DGCR8: variants seen among roughly 807,000 people sequenced by gnomAD.
DGCR8 encodes the protein microprocessor complex subunit DGCR8.
In DGCR8, 14 loss-of-function variants were observed where a neutral mutation model predicts 78.5. That is an observed-to-expected ratio of 0.18 (90% CI 0.12 to 0.28). The LOEUF is 0.28. Ranked by LOEUF, DGCR8 falls within the 10% of genes least tolerant of loss-of-function variation. The pLI, the probability that DGCR8 is intolerant of heterozygous loss-of-function variation, is 1.00. For missense variants in DGCR8, 702 were observed against 1,022.5 expected (o/e 0.69, Z 4.28); for synonymous variants, 399 against 402.4 (o/e 0.99, Z 0.10).
At chr22:20,106,472 T>A in intron 10 of DGCR8, 120 bp from the exon 11 acceptor site, 1 of 856,668 alleles carries the variant, frequency 1.2e-6, no homozygotes, top group South Asian at 1.5e-5. Context: ...CTCCTCTGGC[T>A]GAGATGCAGT....
In DGCR8 at chr22:20,090,169, A is replaced by G. The variant is rs777343509; in HGVS notation, c.1217A>G (p.Asp406Gly). ...DSMGADPGPPDEKDPLGAEAA... is the reference protein window; with the variant it reads ...DSMGADPGPPGEKDPLGAEAA... ...ATGGGTGCTGACCCGGGGCCCCCGG[A>G]CGAGAAAGACCCACTAGGGGCTGAG... The change falls in exon 5 of 14, where the codon GAC becomes GGC. Residue 406 changes from aspartate to glycine, a missense_variant. Around this residue, in one of 4 missense-constraint regions of DGCR8, gnomAD observed 119 missense variants for 126.1 expected, o/e 0.94. Coordinates refer to ENST00000351989, the MANE Select transcript of DGCR8 (RefSeq NM_022720.7). 1.2e-5 allele frequency: 19 copies of G among 1,614,086 alleles called. No individual in the cohort carries two copies. The African/African-American group carries it at 2.3e-4, about 19-fold the overall frequency.
intron 9 of DGCR8, among the ~76,000 whole-genome samples, chr22:20,097,799 T>C (rs1226431555): frequency 2.7e-5 from 4 of 145,598 alleles, no homozygotes; most frequent in Non-Finnish European, 5.9e-5. Flanking sequence ...TAATGCATTG[T>C]TTTTATACTT....
chr22:20,089,703 C>T lies in DGCR8; in HGVS notation c.915C>T (p.Asp305=), dbSNP rs530897530. ...RGRPPTEPLP[D]GWIMTFHNSG... Reference sequence around the variant, plus strand: ...GCCCACCTACAGAGCCGCTGCCCGACGGGTGGATCATGACATTCCATAACT... The same window carrying T: ...GCCCACCTACAGAGCCGCTGCCCGATGGGTGGATCATGACATTCCATAACT... The change falls in exon 4 of 14, where the codon GAC becomes GAT. Residue 305 remains aspartate (D), a synonymous_variant. Transcript: ENST00000351989. The surrounding 1 kb of genome is among the most constrained non-coding windows in gnomAD (Gnocchi z 4.9). 7.4e-6 allele frequency: 12 copies of T among 1,613,768 alleles called. No homozygotes were observed. Among genetic ancestry groups the T allele is most frequent in the African/African-American group, 1.3e-5 (1 of 74,812 alleles).
At chr22:20,095,614 A>G (rs998008337) in intron 9 of DGCR8, among the ~76,000 whole-genome samples, 7 of 152,224 alleles carry the variant, frequency 4.6e-5, no homozygotes, top group East Asian at 1.9e-4. Context: ...TCTGTCCCCA[A>G]CCTAGTTTTG....
chr22:20,090,318 T>C (rs1186039644), intron 5 of DGCR8, 60 bp downstream of exon 5: 7 of 1,515,606 alleles, frequency 4.6e-6, no homozygotes, highest in Non-Finnish European at 6.2e-6. Context: ...TTTGTTTTTC[T>C]AATGAAGGCC....
chr22:20,098,777 C>T (rs1475522297), intron 9 of DGCR8, among the ~76,000 whole-genome samples: 8 of 152,206 alleles, frequency 5.3e-5, no homozygotes, highest in Admixed American at 5.2e-4. Flanking sequence ...CTGGTCTCCA[C>T]ATTGCCCATT....
At chr22:20,094,928 T>C (rs1041065647) in intron 9 of DGCR8, 133 bp downstream of exon 9, 2 of 677,650 alleles carry the variant, frequency 3.0e-6, no homozygotes, top group Non-Finnish European at 5.2e-6. Flanking sequence ...TCATCCAGCC[T>C]CCAGGTTCTT....
chr22:20,100,701 G>A, intron 9 of DGCR8: 1 of 985,430 alleles, frequency 1.0e-6, no homozygotes, highest in Non-Finnish European at 1.2e-6. Flanking sequence ...ACATTGCAAA[G>A]TAGTCTGAGA....
At position 20,093,590 on chromosome 22, in the gene DGCR8, G is replaced by A. The variant is rs562148094; in HGVS notation, c.1705+683G>A. Among the ~76,000 whole-genome samples, 6 of 152,294 alleles carry A rather than the reference G, an allele frequency of 3.9e-5. No homozygotes were observed. The East Asian group carries it at 7.7e-4, about 20-fold the overall frequency. ...GGGCATGCCAGGAGGGAGGAGAAGC[G>A]GGCCAGCATGCTGTTGGCATCCTCC... On this transcript the variant is annotated intron_variant, in intron 8 of 13. Coordinates refer to ENST00000351989, the MANE Select transcript of DGCR8 (RefSeq NM_022720.7).
chr22:20,095,361 C>A (rs1189081196), intron 9 of DGCR8, among the ~76,000 whole-genome samples: 1 of 152,180 alleles, frequency 6.6e-6, no homozygotes, highest in Non-Finnish European at 1.5e-5. Context: ...TCGCTTCCGC[C>A]TCCTAAAGTG....
intron 9 of DGCR8, chr22:20,101,596 A>G (rs1444997130): frequency 3.0e-6 from 3 of 984,766 alleles, no homozygotes; most frequent in East Asian, 1.1e-4. Flanking sequence ...AAAAATGTAT[A>G]TATGTCATCT....
At chr22:20,091,304 C>A in intron 5 of DGCR8, 131 bp from the exon 6 acceptor site, 1 of 854,974 alleles carries the variant, frequency 1.2e-6, no homozygotes, top group East Asian at 2.5e-5. Context: ...CTTTGCTTCC[C>A]TCCCCTTTGA....
At position 20,100,942 on chromosome 22, in the gene DGCR8, CCCT is replaced by C. The variant is rs1389202223; in HGVS notation, c.1789-5230_1789-5228del. 3 of 610,514 alleles carry C rather than the reference CCCT, an allele frequency of 4.9e-6. No individual in the cohort carries two copies. The East Asian group carries it at 4.3e-4, about 87-fold the overall frequency. The allele number at this position is 610,514 out of a possible 1,614,324, so 37.8% of individuals were successfully genotyped here. ...GGGCCCCTGCCACCCGGCACAGGAC[CCCT>C]CCTCGTGCTTGGAAATTTGCTAGGA... is the stretch of plus-strand genomic sequence containing the variant. On this transcript the variant is annotated intron_variant, in intron 9 of 13. Coordinates refer to ENST00000351989, the MANE Select transcript of DGCR8 (RefSeq NM_022720.7).
At position 20,086,017 on chromosome 22, in the gene DGCR8, G is replaced by A. The variant is rs978138118; in HGVS notation, c.54G>A (p.Ala18=). 1 of 1,612,714 alleles carries A rather than the reference G, an allele frequency of 6.2e-7. No individual in the cohort carries two copies. The highest frequency in any genetic ancestry group is 1.7e-5 in the Admixed American group (1 of 59,996). The change falls in exon 2 of 14, where the codon GCG becomes GCA. Residue 18 remains alanine (A), a synonymous_variant. Transcript: ENST00000351989. This position sits in a 1 kb window ranked among gnomAD's most constrained non-coding sequence, Gnocchi z 6.4. ...TCCCGTGTGGGCCCGCAGGAGAAGCGGTGATGGAGAGCCGAGCTCGCCCCT... is the reference window on the plus strand; with the variant it reads ...TCCCGTGTGGGCCCGCAGGAGAAGCAGTGATGGAGAGCCGAGCTCGCCCCT... The part of the protein sequence containing the change: ...SPLPCGPAGE[A]VMESRARPFQ...
rs201435288 is a variant in DGCR8 at position 20,086,239 on chromosome 22, T to C, written c.276T>C (p.Ser92=). 4 of 1,614,114 alleles carry C rather than the reference T, an allele frequency of 2.5e-6. No individual in the cohort carries two copies. The highest frequency in any genetic ancestry group is 4.5e-5 in the East Asian group (2 of 44,858). ...KGRLLIDPNC[S]GHSPRTARHA... is the part of the protein sequence containing the mutation. ...GCCTCCTCATAGACCCGAACTGTAG[T>C]GGCCACAGCCCGCGCACCGCCCGGC... The change falls in exon 2 of 14, where the codon AGT becomes AGC. Residue 92 remains serine, a synonymous_variant. Coordinates refer to ENST00000351989, the MANE Select transcript of DGCR8 (RefSeq NM_022720.7). The surrounding 1 kb of genome is among the most constrained non-coding windows in gnomAD (Gnocchi z 6.4).
At position 20,100,912 on chromosome 22, in the gene DGCR8, A is replaced by G. The variant is rs549257564; in HGVS notation, c.1789-5265A>G. On this transcript the variant is annotated intron_variant, in intron 9 of 13. Coordinates refer to ENST00000351989, the MANE Select transcript of DGCR8 (RefSeq NM_022720.7). ...GCCCCCACTTCCTGTGCCAGCCGCA[A>G]ATGGGGGCCCCTGCCACCCGGCACA... is the stretch of plus-strand genomic sequence containing the variant. The G allele has an allele frequency of 7.8e-6, 7 of 893,464 alleles. No homozygotes were observed. In the Admixed American group the frequency reaches 1.9e-4, roughly 24 times the overall value. 55.3% of individuals were successfully genotyped at this position (893,464 alleles called of 1,614,324 possible). A position where few individuals can be genotyped will look rare whatever the true frequency, so the allele number is the denominator to read the frequency against.
intron 7 of DGCR8, 59 bp downstream of exon 7, chr22:20,092,029 G>A (rs995069883): frequency 7.3e-7 from 1 of 1,373,822 alleles, no homozygotes; most frequent in Admixed American, 1.9e-5. Context: ...CTTTGGTCAG[G>A]GCTGGGGAGG....
chr22:20,100,396 G>T (rs988092252), intron 9 of DGCR8: 5 of 985,238 alleles, frequency 5.1e-6, no homozygotes, highest in Non-Finnish European at 6.0e-6. Flanking sequence ...TGACCCAACC[G>T]TGGGAAATAT....
At chr22:20,102,868 C>G (rs536440815) in intron 9 of DGCR8, among the ~76,000 whole-genome samples, 16 of 152,338 alleles carry the variant, frequency 1.1e-4, no homozygotes, top group South Asian at 1.0e-3. Flanking sequence ...TGCAGTGGCT[C>G]ACGCCTGTAA....
Sources: gnomAD v4.1 joint callset for allele counts (sites outside exome capture counted in the v4.1 genomes callset) on GRCh38, gnomAD v4.1.1 for gene constraint, gnomAD v4.1.1 regional missense constraint, Gnocchi (gnomAD v3.1) non-coding constraint, MANE v1.5 for transcripts, NCBI Gene and HGNC (gene_info 2026-07-23, HGNC 2026-07-21) for gene names.